The following KIF13A variants were observed in gnomAD, a reference collection of about 807,000 sequenced individuals.
KIF13A encodes the protein kinesin family member 13A.
A neutral mutation model predicts 212.2 loss-of-function variants in KIF13A; 79 were observed. That is an observed-to-expected ratio of 0.37 (90% CI 0.31 to 0.45). KIF13A has a LOEUF of 0.45. Ranked by LOEUF, KIF13A falls within the 20% of genes least tolerant of loss-of-function variation. KIF13A has a pLI of 1.00. For synonymous variants in KIF13A, 789 were observed against 808.6 expected, an observed-to-expected ratio of 0.98 and a Z score of 0.41; for missense variants, 1,901 against 2,209.0, an observed-to-expected ratio of 0.86 and a Z score of 2.79.
At chr6:17,977,986 G>A (rs1780732705) in intron 2 of KIF13A, among the ~76,000 whole-genome samples, 4 of 152,188 alleles carry the variant, frequency 2.6e-5, no homozygotes, top group Non-Finnish European at 5.9e-5. Context: ...ATTGCGCTTT[G>A]ACATGAAAAG....
rs780359848 is a variant in KIF13A at position 17,764,735 on chromosome 6, C to T, written c.4793G>A (p.Gly1598Asp). The T allele has an allele frequency of 1.2e-6, 2 of 1,612,878 alleles. No individual in the cohort carries two copies. The highest frequency in any genetic ancestry group is 2.7e-5 in the African/African-American group (2 of 74,884). Reference protein sequence around the residue: ...RSPTTSSITSGYFSHSASNAT... With the variant: ...RSPTTSSITSDYFSHSASNAT... ...ATTGGAGGCACTGTGGGAAAAGTAG[C>T]CACTGGTAATACTGCTGGTGGTAGG... The change falls in exon 39 of 39, where the codon GGC (glycine) becomes GAC (aspartate). Residue 1598 changes from glycine to aspartate, a missense_variant. Gly to Asp is a moderately conservative substitution (Grantham distance 94). Transcript: ENST00000259711. This position sits in a 1 kb window ranked among gnomAD's most constrained non-coding sequence, Gnocchi z 5.1.
chr6:17,865,895 A>G (rs1769316371), intron 4 of KIF13A, among the ~76,000 whole-genome samples: 1 of 152,238 alleles, frequency 6.6e-6, no homozygotes, highest in African/African-American at 2.4e-5. Context: ...ACTCATCCAG[A>G]TGGATGTTTC....
chr6:17,789,803 T>G lies in KIF13A; in HGVS notation c.3261+69A>C. 1 of 1,380,358 alleles carries G rather than the reference T, an allele frequency of 7.2e-7. No homozygotes were observed. The highest frequency in any genetic ancestry group is 1.0e-6 in the Non-Finnish European group (1 of 974,878). The allele number at this position is 1,380,358 out of a possible 1,614,324, so 85.5% of individuals were successfully genotyped here. A position where few individuals can be genotyped will look rare whatever the true frequency, so the allele number is the denominator to read the frequency against. On this transcript the variant is annotated intron_variant, in intron 26 of 38. Transcript: ENST00000259711. This position sits in a 1 kb window ranked among gnomAD's most constrained non-coding sequence, Gnocchi z 4.8. Reference sequence around the variant, plus strand: ...GCCCTCCTTCCTCCTCCCTGGCCTCTGCTTTGCGAATGCTGGCAATTAGCA... The same window carrying G: ...GCCCTCCTTCCTCCTCCCTGGCCTCGGCTTTGCGAATGCTGGCAATTAGCA...
In KIF13A at chr6:17,839,586, T is replaced by C. The variant is rs544044363; in HGVS notation, c.831-2003A>G. Among the ~76,000 whole-genome samples, 26 of 152,346 alleles carry C rather than the reference T, an allele frequency of 1.7e-4. No individual in the cohort carries two copies. The East Asian group carries it at 5.0e-3, about 29-fold the overall frequency. Reference sequence around the variant, plus strand: ...ATTGTCCTGGGTTGAACAGTATTCATGTCCGCCAGACCCTCAGAATGTGAC... The same window carrying C: ...ATTGTCCTGGGTTGAACAGTATTCACGTCCGCCAGACCCTCAGAATGTGAC... On this transcript the variant is annotated intron_variant, in intron 9 of 38. Transcript: ENST00000259711. This position sits in a 1 kb window ranked among gnomAD's most constrained non-coding sequence, Gnocchi z 4.3.
rs1764019076 is a variant in KIF13A at position 17,817,115 on chromosome 6, G to A, written c.1905C>T (p.Leu635=). 11 of 1,614,026 alleles carry A rather than the reference G, an allele frequency of 6.8e-6. No homozygotes were observed. The highest frequency in any genetic ancestry group is 8.5e-6 in the Non-Finnish European group (10 of 1,179,904). The change falls in exon 17 of 39, where the codon CTC becomes CTT. Residue 635 remains leucine (L), a synonymous_variant. Coordinates refer to ENST00000259711, the MANE Select transcript of KIF13A (RefSeq NM_022113.6). The part of the protein sequence containing the change: ...ERELEQLRQQ[L]SPDRQPQSSG... ...TACTCTGTGGCTGCCTGTCGGGGGA[G>A]AGCTGCTGGCGGAGTTGCTCCAGTT...
At chr6:17,917,523 G>A (rs1425464503) in intron 2 of KIF13A, among the ~76,000 whole-genome samples, 1 of 152,108 alleles carries the variant, frequency 6.6e-6, no homozygotes, top group African/African-American at 2.4e-5. Context: ...TCACAGGCGT[G>A]AGCCACTGCA....
intron 2 of KIF13A, among the ~76,000 whole-genome samples, chr6:17,972,377 G>A (rs946780601): frequency 2.0e-5 from 3 of 152,160 alleles, no homozygotes; most frequent in African/African-American, 7.2e-5. Flanking sequence ...ACCAAAAACA[G>A]TATTTCATTT....
intron 19 of KIF13A, among the ~76,000 whole-genome samples, chr6:17,805,257 C>T (rs952458335): frequency 6.6e-6 from 1 of 152,080 alleles, no homozygotes; most frequent in Non-Finnish European, 1.5e-5. Flanking sequence ...TCATTTAGTT[C>T]CCAACTGTGT....
In KIF13A at chr6:17,771,746, A is replaced by G. The variant is rs1044817807; in HGVS notation, c.4476+162T>C. ...GCAACAACAAACAAGAGATTCTACCATGACTCTGCATGCTTGAGAAAGAGG... is the reference window on the plus strand; with the variant it reads ...GCAACAACAAACAAGAGATTCTACCGTGACTCTGCATGCTTGAGAAAGAGG... On this transcript the variant is annotated intron_variant, in intron 37 of 38. Coordinates refer to ENST00000259711, the MANE Select transcript of KIF13A (RefSeq NM_022113.6). This position sits in a 1 kb window ranked among gnomAD's most constrained non-coding sequence, Gnocchi z 5.4. 6 of 617,148 alleles carry G rather than the reference A, an allele frequency of 9.7e-6. No individual in the cohort carries two copies. Among genetic ancestry groups the G allele is most frequent in the African/African-American group, 7.2e-5 (4 of 55,556 alleles). 38.2% of individuals were successfully genotyped at this position (617,148 alleles called of 1,614,324 possible).
In KIF13A at chr6:17,777,196, C is replaced by T. The variant is rs1760063445; in HGVS notation, c.4170+81G>A. The T allele has an allele frequency of 1.9e-6, 2 of 1,080,918 alleles. No individual in the cohort carries two copies. The highest frequency in any genetic ancestry group is 1.3e-5 in the South Asian group (1 of 74,862). The allele number at this position is 1,080,918 out of a possible 1,614,324, so 67.0% of individuals were successfully genotyped here. A position where few individuals can be genotyped will look rare whatever the true frequency, so the allele number is the denominator to read the frequency against. ...ACACCAGTTCCATAAGCTCTACTGC[C>T]ACTGTGTGAATCCCACCTTCCCCCA... On this transcript the variant is annotated intron_variant, in intron 34 of 38. Coordinates refer to ENST00000259711, the MANE Select transcript of KIF13A (RefSeq NM_022113.6). This position sits in a 1 kb window ranked among gnomAD's most constrained non-coding sequence, Gnocchi z 4.4.
At chr6:17,956,976 G>A (rs996102903) in intron 2 of KIF13A, among the ~76,000 whole-genome samples, 11 of 152,056 alleles carry the variant, frequency 7.2e-5, no homozygotes, top group Non-Finnish European at 1.5e-5. Flanking sequence ...TGCTTCCCAG[G>A]TTCAAGTGAT....
chr6:17,937,452 T>G (rs1029657033), intron 2 of KIF13A, among the ~76,000 whole-genome samples: 1 of 152,236 alleles, frequency 6.6e-6, no homozygotes, highest in Admixed American at 6.5e-5. Flanking sequence ...GAGTAAAACT[T>G]GCAATAACTT....
In KIF13A at chr6:17,873,471, T is replaced by C. The variant is rs1181756160; in HGVS notation, c.160-34A>G. 4 of 1,396,680 alleles carry C rather than the reference T, an allele frequency of 2.9e-6. No individual in the cohort carries two copies. In the Admixed American group the frequency reaches 7.9e-5, roughly 27 times the overall value. 86.5% of individuals were successfully genotyped at this position (1,396,680 alleles called of 1,614,324 possible). On this transcript the variant is annotated intron_variant, in intron 3 of 38. Transcript: ENST00000259711. ...AAGAACAAAATATTAAACTTAAAGA[T>C]TAATTAACTTCTTATGAGTAAATCA... is the stretch of plus-strand genomic sequence containing the variant.
intron 2 of KIF13A, among the ~76,000 whole-genome samples, chr6:17,941,386 T>C: frequency 1.3e-5 from 2 of 152,344 alleles, no homozygotes; most frequent in South Asian, 4.1e-4. Flanking sequence ...GCTATTGTTA[T>C]GAATGGAATC....
chr6:17,798,800 A>G (rs1329375563), intron 22 of KIF13A, among the ~76,000 whole-genome samples: 1 of 152,222 alleles, frequency 6.6e-6, no homozygotes, highest in Non-Finnish European at 1.5e-5. Context: ...TATATGAAAC[A>G]TATCACTCAT....
At chr6:17,760,595 CTTAG>C, downstream of KIF13A, 1 of 566,850 alleles carries the variant, frequency 1.8e-6, no homozygotes, top group Non-Finnish European at 3.2e-6. Flanking sequence ...AATACTGTCA[CTTAG>C]TTAATCCAGG....
chr6:17,880,312 T>A (rs890625236), intron 3 of KIF13A, among the ~76,000 whole-genome samples: 1 of 152,032 alleles, frequency 6.6e-6, no homozygotes, highest in Non-Finnish European at 1.5e-5. Context: ...CACCATATTA[T>A]ACTAGAAAAA....
intron 2 of KIF13A, among the ~76,000 whole-genome samples, chr6:17,964,050 C>T (rs948583581): frequency 1.3e-5 from 2 of 152,130 alleles, no homozygotes; most frequent in Admixed American, 6.5e-5. Flanking sequence ...CCAGGAGGTT[C>T]GTGGTTACAG....
intron 4 of KIF13A, among the ~76,000 whole-genome samples, chr6:17,861,728 T>C (rs1489358901): frequency 6.6e-6 from 1 of 152,244 alleles, no homozygotes; most frequent in Non-Finnish European, 1.5e-5. Flanking sequence ...GTCCTTGCGC[T>C]AGCCATTGCT....
Sources: gnomAD v4.1 joint callset for allele counts (sites outside exome capture counted in the v4.1 genomes callset) on GRCh38, gnomAD v4.1.1 for gene constraint, Gnocchi (gnomAD v3.1) non-coding constraint, MANE v1.5 for transcripts, NCBI Gene and HGNC (gene_info 2026-07-23, HGNC 2026-07-21) for gene names.